The following SNX29 variants were observed in gnomAD, a reference collection of about 807,000 sequenced individuals.
SNX29 encodes the protein sorting nexin 29, also known as sorting nexin-29.
SNX29 carries 78 observed loss-of-function variants against 102.1 expected under a neutral mutation model. The ratio of observed to expected loss-of-function variants is 0.76; its 90% CI spans 0.64 to 0.92. The LOEUF is 0.92. Ranked by LOEUF, SNX29 falls within the 40% of genes least tolerant of loss-of-function variation. The pLI, the probability that SNX29 is intolerant of heterozygous loss-of-function variation, is 0.00. For synonymous variants in SNX29, 580 were observed against 414.5 expected (o/e 1.40, Z -4.85); for missense variants, 1,280 against 1,061.7 (o/e 1.21, Z -2.86).
intron 6 of SNX29, among the ~76,000 whole-genome samples, chr16:12,046,679 A>G (rs995388758): frequency 6.6e-6 from 1 of 152,164 alleles, no homozygotes; most frequent in African/African-American, 2.4e-5. Context: ...GAGTGCAGTG[A>G]TGCAACCTCG....
intron 14 of SNX29, among the ~76,000 whole-genome samples, chr16:12,204,054 T>C (rs1217036995): frequency 6.6e-6 from 1 of 152,174 alleles, no homozygotes; most frequent in Non-Finnish European, 1.5e-5. Context: ...GAATTCTTGC[T>C]TTCCTGTTAG....
At chr16:12,477,981 G>GA in intron 19 of SNX29, 122 bp downstream of exon 19, 2 of 1,157,110 alleles carry the variant, frequency 1.7e-6, no homozygotes, top group South Asian at 1.9e-5. Context: ...GTGGAGATAA[G>GA]AAAAAAATAG....
intron 11 of SNX29, among the ~76,000 whole-genome samples, chr16:12,120,438 A>C (rs2053924776): frequency 6.6e-6 from 1 of 152,262 alleles, no homozygotes; most frequent in South Asian, 2.1e-4. Context: ...ATGCGTCCAC[A>C]CGTCACCCTG....
intron 14 of SNX29, among the ~76,000 whole-genome samples, chr16:12,277,364 C>T (rs1309766218): frequency 1.3e-5 from 2 of 152,036 alleles, no homozygotes; most frequent in African/African-American, 4.8e-5. Flanking sequence ...ATTGATTGTG[C>T]CACTATACTC....
At chr16:12,487,865 C>T (rs1208257106) in intron 19 of SNX29, among the ~76,000 whole-genome samples, 1 of 152,174 alleles carries the variant, frequency 6.6e-6, no homozygotes, top group Non-Finnish European at 1.5e-5. Flanking sequence ...ATTCCTAGTA[C>T]TTAATGTATT....
intron 14 of SNX29, among the ~76,000 whole-genome samples, chr16:12,219,201 C>A (rs900801950): frequency 6.6e-6 from 1 of 151,806 alleles, no homozygotes. Flanking sequence ...CAGCGTCCAT[C>A]ATTTGGTTTG....
rs187048316 is a variant in SNX29 at position 11,978,565 on chromosome 16, A to C, written c.7+1752A>C. 1.1e-4 allele frequency among the ~76,000 whole-genome samples: 17 copies of C among 152,268 alleles called. 1 individual carries two copies. In the East Asian group the frequency reaches 2.7e-3, roughly 24 times the overall value. ...CCTGCTGTTGTTTCTGCAAGAGCTC[A>C]TGTGGGGTAGGAGTGGGGTTGTTTT... is the stretch of plus-strand genomic sequence containing the variant. On this transcript the variant is annotated intron_variant, in intron 1 of 20. Coordinates refer to ENST00000566228, the MANE Select transcript of SNX29 (RefSeq NM_032167.5).
intron 19 of SNX29, among the ~76,000 whole-genome samples, chr16:12,511,716 T>A (rs1044042664): frequency 6.6e-6 from 1 of 151,568 alleles, no homozygotes; most frequent in Non-Finnish European, 1.5e-5. Flanking sequence ...CCGAGCTCTT[T>A]CATGGGTATT....
rs138135751 is a variant in SNX29, at chr16:12,000,296, A to G, written c.69+938A>G. The G allele has an allele frequency of 3.9e-3, 595 of 152,586 alleles. 4 individuals carry two copies. The highest frequency in any genetic ancestry group is 0.017 in the Middle Eastern group (5 of 294). The allele number at this position is 152,586 out of a possible 1,614,324, so 9.5% of individuals were successfully genotyped here. Reference sequence around the variant, plus strand: ...GCACTTTATATTTAATCCTTCTAACAACACTGTGAGATTATAGTTCCTACA... The same window carrying G: ...GCACTTTATATTTAATCCTTCTAACGACACTGTGAGATTATAGTTCCTACA... On this transcript the variant is annotated intron_variant, in intron 2 of 20. Transcript: ENST00000566228.
At chr16:12,012,197 G>A (rs1296920481) in intron 3 of SNX29, among the ~76,000 whole-genome samples, 5 of 152,112 alleles carry the variant, frequency 3.3e-5, no homozygotes, top group Non-Finnish European at 5.9e-5. Flanking sequence ...TTGTCATAGG[G>A]CGACAGCAGG....
At chr16:12,109,889 C>G (rs1047375188) in intron 11 of SNX29, among the ~76,000 whole-genome samples, 2 of 152,134 alleles carry the variant, frequency 1.3e-5, no homozygotes, top group Non-Finnish European at 2.9e-5. Context: ...CACTACCACG[C>G]CCACCTAATT....
intron 14 of SNX29, among the ~76,000 whole-genome samples, chr16:12,204,311 A>G (rs944911114): frequency 4.6e-5 from 7 of 152,084 alleles, no homozygotes; most frequent in East Asian, 1.9e-4. Context: ...TCTATAGCTC[A>G]TGTGTTCTAT....
intron 1 of SNX29, among the ~76,000 whole-genome samples, chr16:11,985,599 C>G (rs1322301319): frequency 6.6e-6 from 1 of 152,224 alleles, no homozygotes; most frequent in African/African-American, 2.4e-5. Flanking sequence ...GGTCATCCTG[C>G]AACCCATCAC....
intron 11 of SNX29, among the ~76,000 whole-genome samples, chr16:12,092,786 C>T (rs752782364): frequency 1.3e-5 from 2 of 152,214 alleles, no homozygotes; most frequent in African/African-American, 2.4e-5. Flanking sequence ...TGCCTGACCT[C>T]GTTAGTTTCT....
At chr16:12,370,378 G>A (rs536546843) in intron 16 of SNX29, among the ~76,000 whole-genome samples, 1 of 152,276 alleles carries the variant, frequency 6.6e-6, no homozygotes, top group Admixed American at 6.5e-5. Flanking sequence ...TGGCCAACGT[G>A]GTGAAAACCC....
intron 18 of SNX29, among the ~76,000 whole-genome samples, chr16:12,440,672 CTAAG>C (rs1362156345): frequency 1.3e-5 from 2 of 152,116 alleles, no homozygotes; most frequent in African/African-American, 4.8e-5. Context: ...GCTCCCACTT[CTAAG>C]TGAGAACATG....
intron 13 of SNX29, among the ~76,000 whole-genome samples, chr16:12,179,476 C>A (rs2076334998): frequency 6.6e-6 from 1 of 152,288 alleles, no homozygotes; most frequent in East Asian, 1.9e-4. Flanking sequence ...AGAGTGAGAC[C>A]CTGTCTCAAA....
At chr16:12,260,251 G>A (rs1053904544) in intron 14 of SNX29, among the ~76,000 whole-genome samples, 2 of 152,204 alleles carry the variant, frequency 1.3e-5, no homozygotes, top group Non-Finnish European at 2.9e-5. Context: ...TGCTACAGGC[G>A]TCCTTGTTCC....
chr16:12,529,537 T>G (rs1176057193), intron 20 of SNX29, among the ~76,000 whole-genome samples: 1 of 152,126 alleles, frequency 6.6e-6, no homozygotes, highest in Non-Finnish European at 1.5e-5. Flanking sequence ...GTAATTTAAC[T>G]TTGGGAAATA....
Sources: gnomAD v4.1 joint callset for allele counts (sites outside exome capture counted in the v4.1 genomes callset) on GRCh38, gnomAD v4.1.1 for gene constraint, MANE v1.5 for transcripts, NCBI Gene and HGNC (gene_info 2026-07-23, HGNC 2026-07-21) for gene names.